VPS33A: variants seen among roughly 807,000 people sequenced by gnomAD.
VPS33A encodes VPS33A core subunit of CORVET and HOPS complexes, also known as vacuolar protein sorting-associated protein 33A.
A neutral mutation model predicts 71.8 loss-of-function variants in VPS33A; 32 were observed. The ratio of observed to expected loss-of-function variants is 0.45; its 90% CI spans 0.34 to 0.60. VPS33A has a LOEUF of 0.60. Ranked by LOEUF, VPS33A falls within the 20% of genes least tolerant of loss-of-function variation. The probability of loss-of-function intolerance (pLI) is 0.02; values close to 1 mark genes in which losing one functional copy is unlikely to be tolerated. For synonymous variants in VPS33A, 311 were observed against 292.7 expected (o/e 1.06, Z -0.64); for missense variants, 625 against 748.5 (o/e 0.84, Z 1.92).
At chr12:122,258,719 G>A (rs1404935989) in intron 4 of VPS33A, among the ~76,000 whole-genome samples, 2 of 151,852 alleles carry the variant, frequency 1.3e-5, no homozygotes, top group Non-Finnish European at 2.9e-5. Flanking sequence ...GGTGGCTCAC[G>A]CCTGTAATCG....
At chr12:122,233,095 T>C in intron 11 of VPS33A, 127 bp from the exon 12 acceptor site, 1 of 1,061,370 alleles carries the variant, frequency 9.4e-7, no homozygotes, top group Non-Finnish European at 1.3e-6. Context: ...ACCCCTGCCA[T>C]GCCTTGTTCT....
In VPS33A at chr12:122,252,279, T is replaced by C. The variant is rs528958212; in HGVS notation, c.484-1180A>G. 5.9e-5 allele frequency among the ~76,000 whole-genome samples: 9 copies of C among 151,920 alleles called. No homozygotes were observed. The South Asian group carries it at 1.9e-3, about 32-fold the overall frequency. The stretch of plus-strand genomic sequence containing the variant: ...CTCTTTTTTTATTTTTATTTTTATT[T>C]TTTTTTTGAGATGGAGTCTCGCTCT... On this transcript the variant is annotated intron_variant, in intron 4 of 12. Coordinates refer to ENST00000267199, the MANE Select transcript of VPS33A (RefSeq NM_022916.6).
At chr12:122,242,115 C>T (rs950355699) in intron 8 of VPS33A, among the ~76,000 whole-genome samples, 2 of 151,934 alleles carry the variant, frequency 1.3e-5, no homozygotes, top group Non-Finnish European at 2.9e-5. Flanking sequence ...ATCATGTTGG[C>T]CAGGCTGGTC....
At chr12:122,247,908 T>C (rs911856849) in intron 6 of VPS33A, among the ~76,000 whole-genome samples, 15 of 152,148 alleles carry the variant, frequency 9.9e-5, no homozygotes, top group African/African-American at 3.1e-4. Context: ...TATTTTATTA[T>C]TTTTTTGAGA....
At chr12:122,258,811 T>A (rs1019938668) in intron 4 of VPS33A, among the ~76,000 whole-genome samples, 1 of 151,536 alleles carries the variant, frequency 6.6e-6, no homozygotes, top group Non-Finnish European at 1.5e-5. Context: ...CGAAACCCCA[T>A]CTCCACTAAA....
At chr12:122,265,238 C>CT (rs1566055580) in intron 1 of VPS33A, among the ~76,000 whole-genome samples, 1 of 152,012 alleles carries the variant, frequency 6.6e-6, no homozygotes, top group Admixed American at 6.6e-5. Flanking sequence ...AGAGAAAATC[C>CT]TTAAAAGCTC....
chr12:122,236,008 A>C, intron 10 of VPS33A, 85 bp from the exon 11 acceptor site: 1 of 1,524,486 alleles, frequency 6.6e-7, no homozygotes, highest in South Asian at 1.3e-5. Flanking sequence ...CAACAAATCA[A>C]TTTGGTTTGT....
chr12:122,243,142 C>A (rs1954736524), intron 7 of VPS33A, among the ~76,000 whole-genome samples: 1 of 152,102 alleles, frequency 6.6e-6, no homozygotes, highest in Non-Finnish European at 1.5e-5. Flanking sequence ...ATAAACCATA[C>A]AAATTTCTGA....
intron 6 of VPS33A, chr12:122,248,572 C>A (rs1324784773): frequency 6.6e-6 from 1 of 152,264 alleles, no homozygotes; most frequent in Admixed American, 6.5e-5. Context: ...AACCAGCCAT[C>A]CACATCTTCC....
rs149455691 is a variant in VPS33A at position 122,250,723 on chromosome 12, G to A, written c.600+260C>T. ...GTTTGCAGTCTGAGAGCTGAAATGG[G>A]AAGGTGGAGTGTCAGCTGCCTCAGT... On this transcript the variant is annotated intron_variant, in intron 5 of 12. Transcript: ENST00000267199. Among the ~76,000 whole-genome samples, 409 of 152,324 alleles carry A rather than the reference G, an allele frequency of 2.7e-3. 1 individual carries two copies. The Middle Eastern group carries it at 0.027, about 10-fold the overall frequency.
At chr12:122,248,037 C>CA (rs1255105872) in intron 6 of VPS33A, 1 of 151,342 alleles carries the variant, frequency 6.6e-6, no homozygotes, top group African/African-American at 2.4e-5. Flanking sequence ...GCTGGTACTA[C>CA]AGGCATGCGC....
chr12:122,235,990 G>T, intron 10 of VPS33A, 67 bp from the exon 11 acceptor site: 1 of 1,542,742 alleles, frequency 6.5e-7, no homozygotes, highest in South Asian at 1.2e-5. Flanking sequence ...TTCAAAGAAG[G>T]GCACTTCCAA....
At chr12:122,266,061 T>C (rs1955064935) in intron 1 of VPS33A, among the ~76,000 whole-genome samples, 1 of 152,224 alleles carries the variant, frequency 6.6e-6, no homozygotes, top group Non-Finnish European at 1.5e-5. Flanking sequence ...GCTGCCGGGC[T>C]ATCACAGTGG....
At chr12:122,254,289 C>G (rs1028840163) in intron 4 of VPS33A, among the ~76,000 whole-genome samples, 1 of 152,080 alleles carries the variant, frequency 6.6e-6, no homozygotes, top group Non-Finnish European at 1.5e-5. Context: ...CACCAAAAAT[C>G]GGGGCTGACT....
intron 3 of VPS33A, 52 bp from the exon 4 acceptor site, chr12:122,261,499 C>G: frequency 6.3e-7 from 1 of 1,586,078 alleles, no homozygotes; most frequent in Non-Finnish European, 8.6e-7. Context: ...AGTCATGGAC[C>G]ATTTTGCTTT....
intron 3 of VPS33A, among the ~76,000 whole-genome samples, chr12:122,262,859 C>T (rs1444408046): frequency 6.6e-6 from 1 of 151,752 alleles, no homozygotes; most frequent in Admixed American, 6.6e-5. Flanking sequence ...ACATAGCAGG[C>T]GCATGTATTT....
At chr12:122,236,269 C>A (rs1263766796) in intron 10 of VPS33A, among the ~76,000 whole-genome samples, 1 of 151,976 alleles carries the variant, frequency 6.6e-6, no homozygotes, top group African/African-American at 2.4e-5. Context: ...CATATGTATA[C>A]ATCCTGATAA....
At chr12:122,264,084 TA>T (rs1415216393) in intron 2 of VPS33A, 49 bp downstream of exon 2, 3 of 1,425,088 alleles carry the variant, frequency 2.1e-6, no homozygotes, top group Non-Finnish European at 1.9e-6. Context: ...TTGTAACTGC[TA>T]AAGTACAGAA....
At chr12:122,254,860 G>A (rs954133210) in intron 4 of VPS33A, among the ~76,000 whole-genome samples, 8 of 152,036 alleles carry the variant, frequency 5.3e-5, no homozygotes, top group African/African-American at 1.9e-4. Context: ...AGACCAGCTT[G>A]GGCCACATGG....
Sources: allele counts gnomAD v4.1 joint callset (sites outside exome capture counted in the v4.1 genomes callset), GRCh38; gene constraint gnomAD v4.1.1; transcripts MANE v1.5; gene names NCBI Gene and HGNC (gene_info 2026-07-23, HGNC 2026-07-21).